The following GRM1 variants were observed in gnomAD, a reference collection of about 807,000 sequenced individuals.
GRM1 encodes metabotropic glutamate receptor 1.
Under a neutral mutation model 90.9 loss-of-function variants are expected in GRM1, and 33 were observed. The observed-to-expected ratio is 0.36, with a 90% CI of 0.28 to 0.49. The LOEUF (loss-of-function observed/expected upper bound fraction) is 0.49. Ranked by LOEUF, GRM1 falls within the 20% of genes least tolerant of loss-of-function variation. The pLI is 0.99. For missense variants in GRM1, 1,190 were observed against 1,534.3 expected (o/e 0.78, Z 3.75); for synonymous variants, 700 against 613.2 (o/e 1.14, Z -2.09).
chr6:146,253,954 A>G (rs554447207), intron 2 of GRM1, among the ~76,000 whole-genome samples: 1 of 152,194 alleles, frequency 6.6e-6, no homozygotes, highest in African/African-American at 2.4e-5. Flanking sequence ...TTTTCTCTTC[A>G]TAAGACAATA....
At chr6:146,269,354 A>G (rs1018645489) in intron 2 of GRM1, among the ~76,000 whole-genome samples, 1 of 152,258 alleles carries the variant, frequency 6.6e-6, no homozygotes, top group African/African-American at 2.4e-5. Flanking sequence ...ATAGTTAATA[A>G]GAGGATTCAT....
intron 4 of GRM1, among the ~76,000 whole-genome samples, chr6:146,355,969 C>T (rs918084382): frequency 2.6e-5 from 4 of 152,158 alleles, no homozygotes; most frequent in African/African-American, 9.7e-5. Flanking sequence ...ATAGGTACTG[C>T]AGAATAGAAT....
chr6:146,218,016 A>T (rs1312882509), intron 2 of GRM1, among the ~76,000 whole-genome samples: 2 of 152,226 alleles, frequency 1.3e-5, no homozygotes, highest in Admixed American at 1.3e-4. Context: ...TAACTCTGTG[A>T]TTCAGGTACC....
At chr6:146,057,450 T>C (rs1377907403) in intron 1 of GRM1, among the ~76,000 whole-genome samples, 2 of 152,148 alleles carry the variant, frequency 1.3e-5, no homozygotes, top group Non-Finnish European at 2.9e-5. Context: ...ATTTCCATTT[T>C]ATCTTTTATA....
chr6:146,147,903 A>T (rs913152998), intron 1 of GRM1, among the ~76,000 whole-genome samples: 5 of 152,198 alleles, frequency 3.3e-5, no homozygotes, highest in Non-Finnish European at 7.3e-5. Flanking sequence ...GAAAAAGAAA[A>T]AAAGAAGACA....
At chr6:146,341,576 A>G (rs888191020) in intron 3 of GRM1, among the ~76,000 whole-genome samples, 1 of 152,184 alleles carries the variant, frequency 6.6e-6, no homozygotes, top group African/African-American at 2.4e-5. Flanking sequence ...GTATTTTGGT[A>G]GGACTGAATC....
At chr6:146,106,710 ACTTCACTGAGCCATGT>A (rs1469195920) in intron 1 of GRM1, among the ~76,000 whole-genome samples, 3 of 152,174 alleles carry the variant, frequency 2.0e-5, no homozygotes, top group Non-Finnish European at 2.9e-5. Context: ...TTAGTTTATC[ACTTCACTGAGCCATGT>A]CATCACTGAG....
chr6:146,309,547 C>T (rs1783705945), intron 3 of GRM1, among the ~76,000 whole-genome samples: 1 of 151,962 alleles, frequency 6.6e-6, no homozygotes, highest in Non-Finnish European at 1.5e-5. Flanking sequence ...TATCTTATTT[C>T]ACTCAGGATT....
chr6:146,154,249 G>A (rs1444106414), intron 1 of GRM1, among the ~76,000 whole-genome samples: 1 of 152,160 alleles, frequency 6.6e-6, no homozygotes, highest in Non-Finnish European at 1.5e-5. Context: ...ACAATCTTCT[G>A]ACAGGCCGAC....
chr6:146,119,126 C>A (rs1244595697), intron 1 of GRM1, among the ~76,000 whole-genome samples: 1 of 152,138 alleles, frequency 6.6e-6, no homozygotes, highest in East Asian at 1.9e-4. Context: ...TTTTAATGAT[C>A]GCCATTGTAA....
At chr6:146,152,748 T>C (rs1239755884) in intron 1 of GRM1, among the ~76,000 whole-genome samples, 1 of 152,204 alleles carries the variant, frequency 6.6e-6, no homozygotes, top group Non-Finnish European at 1.5e-5. Flanking sequence ...TTGGCAACTC[T>C]TAAAGGGCAG....
At chr6:146,102,846 A>C (rs1777096502) in intron 1 of GRM1, among the ~76,000 whole-genome samples, 1 of 152,184 alleles carries the variant, frequency 6.6e-6, no homozygotes. Flanking sequence ...AAAGAAACTG[A>C]TATTCAAATA....
chr6:146,187,032 A>T (rs1778759396), intron 2 of GRM1, among the ~76,000 whole-genome samples: 1 of 152,202 alleles, frequency 6.6e-6, no homozygotes, highest in African/African-American at 2.4e-5. Flanking sequence ...AAAGGGAAGA[A>T]GAAATGCAAT....
chr6:146,200,205 A>C (rs1779256341), intron 2 of GRM1, among the ~76,000 whole-genome samples: 1 of 152,200 alleles, frequency 6.6e-6, no homozygotes, highest in South Asian at 2.1e-4. Flanking sequence ...TTAAGTCTTC[A>C]GCCTGCTGCT....
At chr6:146,202,185 A>G (rs1030876634) in intron 2 of GRM1, among the ~76,000 whole-genome samples, 2 of 152,190 alleles carry the variant, frequency 1.3e-5, no homozygotes, top group East Asian at 1.9e-4. Flanking sequence ...ATACACATCA[A>G]TATATCATGT....
intron 2 of GRM1, among the ~76,000 whole-genome samples, chr6:146,243,702 G>A (rs1046045407): frequency 7.9e-5 from 12 of 152,080 alleles, no homozygotes; most frequent in African/African-American, 2.7e-4. Flanking sequence ...GTTCCACTGG[G>A]CACGCATCGT....
intron 1 of GRM1, among the ~76,000 whole-genome samples, chr6:146,145,044 C>A (rs1035996088): frequency 6.6e-6 from 1 of 152,134 alleles, no homozygotes; most frequent in Non-Finnish European, 1.5e-5. Context: ...GAATATCTGT[C>A]AGAATAAATT....
intron 3 of GRM1, among the ~76,000 whole-genome samples, chr6:146,314,051 C>CTT (rs552986343): frequency 0.11 from 6,834 of 61,868 alleles, 2,023 homozygotes; most frequent in East Asian, 0.21. Flanking sequence ...TAGTTAATTC[C>CTT]TTTTTTTTTT....
In GRM1 at chr6:146,362,429, C is replaced by T. The variant is rs183775190; in HGVS notation, c.1602+4735C>T. 3.2e-3 allele frequency among the ~76,000 whole-genome samples: 494 copies of T among 152,144 alleles called. 2 individuals are homozygous for T. The highest frequency in any genetic ancestry group is 0.011 in the African/African-American group (477 of 41,524). ...GTGCGGTGGCTCACGCCTGTAATCC[C>T]AGCACTTGGGGAGGCTGAGACAGGC... On this transcript the variant is annotated intron_variant, in intron 5 of 7. Coordinates refer to ENST00000282753, the MANE Select transcript of GRM1 (RefSeq NM_001278064.2).
Sources: allele counts gnomAD v4.1 joint callset (sites outside exome capture counted in the v4.1 genomes callset), GRCh38; gene constraint gnomAD v4.1.1; transcripts MANE v1.5; gene names NCBI Gene and HGNC (gene_info 2026-07-23, HGNC 2026-07-21).